The following ARMH3 variants were observed in gnomAD, a reference collection of about 807,000 sequenced individuals.
ARMH3 encodes armadillo-like helical domain-containing protein 3.
ARMH3 carries 60 observed loss-of-function variants against 99.1 expected under a neutral mutation model. That is an observed-to-expected ratio of 0.61 (90% confidence interval 0.49 to 0.75). The LOEUF (loss-of-function observed/expected upper bound fraction) is 0.75, where lower values mean the gene tolerates loss of function less well. Among genes scored for constraint, ARMH3 ranks in the 30% least tolerant of loss-of-function variants. ARMH3 has a pLI of 0.00. For missense variants in ARMH3, 679 were observed against 843.1 expected (o/e 0.81, Z 2.41); for synonymous variants, 285 against 292.8 (o/e 0.97, Z 0.27).
At chr10:101,867,835 A>C (rs2067039593) in intron 24 of ARMH3, among the ~76,000 whole-genome samples, 2 of 151,852 alleles carry the variant, frequency 1.3e-5, no homozygotes. Context: ...CCATCCCAAA[A>C]AAAAAAGAAA....
chr10:101,971,017 A>AGCCCAG (rs1361810899), intron 20 of ARMH3, among the ~76,000 whole-genome samples: 9 of 143,826 alleles, frequency 6.3e-5, no homozygotes, highest in African/African-American at 7.8e-5. Context: ...GGATCACTTG[A>AGCCCAG]GCCCAGGAGA....
chr10:101,911,731 A>G (rs1842875243), intron 23 of ARMH3, among the ~76,000 whole-genome samples: 1 of 152,106 alleles, frequency 6.6e-6, no homozygotes, highest in Admixed American at 6.5e-5. Context: ...CCCATCTCTA[A>G]AATAAAACAT....
At chr10:102,029,989 C>G (rs2067089913) in intron 4 of ARMH3, among the ~76,000 whole-genome samples, 1 of 151,596 alleles carries the variant, frequency 6.6e-6, no homozygotes, top group South Asian at 2.1e-4. Context: ...GGCATAATCA[C>G]AGCTCACTAC....
intron 1 of ARMH3, among the ~76,000 whole-genome samples, chr10:102,053,267 T>C (rs999079343): frequency 3.3e-5 from 5 of 150,560 alleles, no homozygotes; most frequent in African/African-American, 1.2e-4. Flanking sequence ...GACTCCCCAC[T>C]TTCTTTTCAG....
intron 23 of ARMH3, among the ~76,000 whole-genome samples, chr10:101,906,757 G>A (rs17114249): frequency 3.3e-5 from 5 of 152,298 alleles, no homozygotes; most frequent in Admixed American, 6.5e-5. Flanking sequence ...TGAAGTACTT[G>A]TGGGACCTCT....
intron 23 of ARMH3, among the ~76,000 whole-genome samples, chr10:101,896,754 C>T (rs767316233): frequency 6.6e-6 from 1 of 152,164 alleles, no homozygotes; most frequent in Non-Finnish European, 1.5e-5. Flanking sequence ...CTCACTGGGC[C>T]ATGGACTATC....
At chr10:101,992,441 G>A (rs914340106) in intron 17 of ARMH3, among the ~76,000 whole-genome samples, 8 of 151,372 alleles carry the variant, frequency 5.3e-5, no homozygotes, top group African/African-American at 1.9e-4. Flanking sequence ...TATAGAAGCA[G>A]CAACAGTAGT....
intron 1 of ARMH3, among the ~76,000 whole-genome samples, chr10:102,041,569 T>A (rs768872959): frequency 6.6e-6 from 1 of 152,130 alleles, no homozygotes; most frequent in Non-Finnish European, 1.5e-5. Context: ...CTCTAACACA[T>A]ATAGCAAAGA....
intron 24 of ARMH3, among the ~76,000 whole-genome samples, chr10:101,864,522 A>G (rs1359430150): frequency 1.3e-5 from 2 of 152,242 alleles, no homozygotes; most frequent in African/African-American, 4.8e-5. Context: ...GACTGGATTA[A>G]GAAAATGTGG....
At position 102,011,741 on chromosome 10, in the gene ARMH3, G is replaced by GA; in HGVS notation, c.812dup (p.Ser272LeufsTer17). 2 of 1,607,040 alleles carry GA rather than the reference G, an allele frequency of 1.2e-6. No homozygotes were observed. Among genetic ancestry groups the GA allele is most frequent in the East Asian group, 2.2e-5 (1 of 44,790 alleles). Reference sequence around the variant, plus strand: ...GACTTACCATATTTGTTAAAGCAGAGAAAAAACCACTTTGGTGTTCTTCTT... The same window carrying GA: ...GACTTACCATATTTGTTAAAGCAGAGAAAAAAACCACTTTGGTGTTCTTCTT... On this transcript the variant is annotated frameshift_variant, in exon 11 of 26. Transcript: ENST00000370033. LOFTEE classifies it high-confidence loss of function.
In ARMH3 at chr10:102,025,167, A is replaced by T; in HGVS notation, c.496T>A (p.Cys166Ser). 6.2e-7 allele frequency: 1 copy of T among 1,613,278 alleles called. No individual in the cohort carries two copies. The highest frequency in any genetic ancestry group is 8.5e-7 in the Non-Finnish European group (1 of 1,179,348). ...CATAGGTCACTTACGGTCACTAAGC[A>T]AAGGAGAAGTTTCAGACATAAACTC... ...LKSLCLKLLL[C>S]LVTVTDNISQ... The change falls in exon 6 of 26, where the codon TGC becomes AGC. Residue 166 changes from cysteine (C) to serine (S), a missense_variant. Physicochemically the swap from Cys to Ser is moderately radical, Grantham distance 112 (BLOSUM62 -1). This residue lies in a region of ARMH3 where 280 missense variants were observed against 354.6 expected (regional missense o/e 0.79). Coordinates refer to ENST00000370033, the MANE Select transcript of ARMH3 (RefSeq NM_024541.3).
intron 17 of ARMH3, among the ~76,000 whole-genome samples, chr10:101,992,440 A>T (rs1205107774): frequency 2.0e-5 from 3 of 152,208 alleles, no homozygotes; most frequent in Non-Finnish European, 4.4e-5. Flanking sequence ...CTATAGAAGC[A>T]GCAACAGTAG....
intron 24 of ARMH3, among the ~76,000 whole-genome samples, chr10:101,887,576 CTT>C (rs1412025818): frequency 2.2e-5 from 3 of 137,800 alleles, no homozygotes; most frequent in South Asian, 4.9e-4. Flanking sequence ...GCTAATTTTT[CTT>C]TCTCTCTCTC....
At chr10:102,018,434 A>G (rs745763510) in intron 8 of ARMH3, among the ~76,000 whole-genome samples, 7 of 152,220 alleles carry the variant, frequency 4.6e-5, no homozygotes, top group Non-Finnish European at 1.0e-4. Context: ...AGCAGATTGC[A>G]TAAGAAGATG....
chr10:101,898,679 C>T (rs1165423990), intron 23 of ARMH3, among the ~76,000 whole-genome samples: 3 of 152,224 alleles, frequency 2.0e-5, no homozygotes, highest in Non-Finnish European at 2.9e-5. Flanking sequence ...ACTCAATACG[C>T]GCACACGCGC....
At chr10:101,953,321 G>C in intron 22 of ARMH3, among the ~76,000 whole-genome samples, 1 of 152,152 alleles carries the variant, frequency 6.6e-6, no homozygotes, top group Non-Finnish European at 1.5e-5. Flanking sequence ...GGTAAAGACA[G>C]GGTTTTGCCA....
intron 12 of ARMH3, 135 bp from the exon 13 acceptor site, chr10:102,009,584 C>A: frequency 1.2e-6 from 1 of 819,980 alleles, no homozygotes; most frequent in Non-Finnish European, 2.0e-6. Context: ...TTCCCCTTTA[C>A]TTGCCATTTG....
chr10:101,977,401 A>C (rs1428821209), intron 19 of ARMH3, among the ~76,000 whole-genome samples: 2 of 152,210 alleles, frequency 1.3e-5, no homozygotes, highest in African/African-American at 4.8e-5. Flanking sequence ...GATGAAACTT[A>C]CTTCCTAAAA....
At chr10:101,973,720 G>T (rs915376069) in intron 20 of ARMH3, among the ~76,000 whole-genome samples, 1 of 152,092 alleles carries the variant, frequency 6.6e-6, no homozygotes, top group African/African-American at 2.4e-5. Context: ...AAAAAGGAAA[G>T]AAAATAGAAT....
Sources: allele counts gnomAD v4.1 joint callset (sites outside exome capture counted in the v4.1 genomes callset), GRCh38; gene constraint gnomAD v4.1.1; regional missense constraint gnomAD v4.1.1; transcripts MANE v1.5; gene names NCBI Gene and HGNC (gene_info 2026-07-23, HGNC 2026-07-21).